IFT80: variants seen among roughly 807,000 people sequenced by gnomAD.
The protein encoded by IFT80 is intraflagellar transport 80.
Under a neutral mutation model 107.9 loss-of-function variants are expected in IFT80, and 79 were observed. The ratio of observed to expected loss-of-function variants is 0.73; its 90% confidence interval spans 0.61 to 0.88. The LOEUF (loss-of-function observed/expected upper bound fraction) is 0.88. Among genes scored for constraint, IFT80 ranks in the 40% least tolerant of loss-of-function variants. The probability of loss-of-function intolerance (pLI) is 0.00; values close to 1 mark genes in which losing one functional copy is unlikely to be tolerated. For synonymous variants in IFT80, 299 were observed against 300.9 expected, an observed-to-expected ratio of 0.99 and a Z score of 0.07; for missense variants, 797 against 914.2, an observed-to-expected ratio of 0.87 and a Z score of 1.65.
chr3:160,341,551 G>C (rs1430667961), intron 8 of IFT80, among the ~76,000 whole-genome samples: 1 of 152,030 alleles, frequency 6.6e-6, no homozygotes, highest in Non-Finnish European at 1.5e-5. Flanking sequence ...ATTAGACCAG[G>C]CATGTGTACC....
chr3:160,397,400 A>C (rs748203823), intron 1 of IFT80, among the ~76,000 whole-genome samples: 1 of 152,148 alleles, frequency 6.6e-6, no homozygotes, highest in Non-Finnish European at 1.5e-5. Context: ...GGTTTTCAAG[A>C]TCCTTCAGGA....
intron 12 of IFT80, among the ~76,000 whole-genome samples, chr3:160,291,934 C>T (rs917352222): frequency 6.6e-6 from 1 of 152,214 alleles, no homozygotes; most frequent in African/African-American, 2.4e-5. Flanking sequence ...GGGGCTGCAG[C>T]AATGCAGAGA....
At chr3:160,386,625 A>G (rs1396307215) in intron 1 of IFT80, among the ~76,000 whole-genome samples, 2 of 152,210 alleles carry the variant, frequency 1.3e-5, no homozygotes, top group Non-Finnish European at 2.9e-5. Context: ...TCCAACCACT[A>G]AAATACACAG....
intron 8 of IFT80, among the ~76,000 whole-genome samples, chr3:160,327,937 C>G (rs1165412619): frequency 3.9e-5 from 6 of 152,108 alleles, no homozygotes; most frequent in African/African-American, 1.2e-4. Flanking sequence ...GCAAACTATG[C>G]ATCTGACAAA....
chr3:160,354,012 T>C (rs916326745), intron 8 of IFT80, among the ~76,000 whole-genome samples: 3 of 152,182 alleles, frequency 2.0e-5, no homozygotes, highest in Admixed American at 6.5e-5. Context: ...TAATAAATTG[T>C]TGAGTATCTA....
intron 18 of IFT80, among the ~76,000 whole-genome samples, chr3:160,273,647 A>G (rs560220917): frequency 6.6e-6 from 1 of 152,342 alleles, no homozygotes; most frequent in East Asian, 1.9e-4. Flanking sequence ...TTTGAGCTAA[A>G]AAATGTGAGA....
At chr3:160,395,220 C>T (rs1262507201) in intron 1 of IFT80, among the ~76,000 whole-genome samples, 1 of 152,148 alleles carries the variant, frequency 6.6e-6, no homozygotes, top group Non-Finnish European at 1.5e-5. Flanking sequence ...AAAACTCTCA[C>T]CTGGCTTATC....
At chr3:160,305,712 GT>G (rs1258323572) in intron 10 of IFT80, among the ~76,000 whole-genome samples, 1 of 151,936 alleles carries the variant, frequency 6.6e-6, no homozygotes, top group Non-Finnish European at 1.5e-5. Flanking sequence ...CTTATATATT[GT>G]TTTCTTTTTC....
chr3:160,338,685 T>G (rs1719668836), intron 8 of IFT80, among the ~76,000 whole-genome samples: 1 of 151,262 alleles, frequency 6.6e-6, no homozygotes, highest in South Asian at 2.1e-4. Flanking sequence ...TGTGTGTATC[T>G]GGAGAAGGGC....
intron 19 of IFT80, among the ~76,000 whole-genome samples, chr3:160,267,021 A>G (rs1483916950): frequency 6.6e-6 from 1 of 152,126 alleles, no homozygotes; most frequent in Non-Finnish European, 1.5e-5. Flanking sequence ...CTTCAGTACT[A>G]AGCAGGTTCC....
chr3:160,319,643 T>A, intron 9 of IFT80, 117 bp downstream of exon 9: 1 of 906,808 alleles, frequency 1.1e-6, no homozygotes, highest in Non-Finnish European at 1.7e-6. Flanking sequence ...ATATTTCTAA[T>A]GTGACTGAAT....
At chr3:160,364,052 C>A (rs1721682234) in intron 6 of IFT80, among the ~76,000 whole-genome samples, 3 of 152,098 alleles carry the variant, frequency 2.0e-5, no homozygotes, top group Admixed American at 6.5e-5. Context: ...AAGAAACTAC[C>A]ATCAGAGTGA....
chr3:160,267,649 T>C (rs566047679), intron 19 of IFT80, among the ~76,000 whole-genome samples: 1 of 152,274 alleles, frequency 6.6e-6, no homozygotes, highest in African/African-American at 2.4e-5. Flanking sequence ...GTGGCTATAA[T>C]CAGTTATGCT....
At chr3:160,362,602 C>A (rs565557732) in intron 6 of IFT80, among the ~76,000 whole-genome samples, 1 of 152,110 alleles carries the variant, frequency 6.6e-6, no homozygotes, top group Non-Finnish European at 1.5e-5. Flanking sequence ...CTGATGAACA[C>A]CGATGCAAAA....
chr3:160,319,914 T>C lies in IFT80; in HGVS notation c.803A>G (p.Asn268Ser), dbSNP rs1559937674. The C allele has an allele frequency of 1.9e-6, 3 of 1,611,872 alleles. No homozygotes were observed. Among genetic ancestry groups the C allele is most frequent in the South Asian group, 1.1e-5 (1 of 90,982 alleles). ...TGWSYALEKPNTGSIFNIAWS... is the reference protein window; with the variant it reads ...TGWSYALEKPSTGSIFNIAWS... ...TGCAATATTAAATATGCTGCCAGTG[T>C]TGGGTTTTTCTAATGCATATGACCA... Residue 268 changes from asparagine to serine, a missense_variant, in exon 9 of 20, where the codon AAC becomes AGC. By Grantham distance (46) the Asn-to-Ser change is conservative. Transcript: ENST00000326448.
At chr3:160,363,842 T>C (rs1186274108) in intron 6 of IFT80, among the ~76,000 whole-genome samples, 1 of 152,170 alleles carries the variant, frequency 6.6e-6, no homozygotes, top group African/African-American at 2.4e-5. Context: ...CCTTACACCT[T>C]ATACAAAAAT....
At chr3:160,375,622 A>T (rs536564572) in intron 5 of IFT80, among the ~76,000 whole-genome samples, 190 bp downstream of exon 5, 1 of 152,152 alleles carries the variant, frequency 6.6e-6, no homozygotes, top group Non-Finnish European at 1.5e-5. Flanking sequence ...GCTTGAAATA[A>T]TAGTGTTACC....
In IFT80 at chr3:160,276,409, T is replaced by G. The variant is rs574753197; in HGVS notation, c.2099+897A>C. 5.3e-5 allele frequency among the ~76,000 whole-genome samples: 8 copies of G among 152,268 alleles called. No homozygotes were observed. In the South Asian group the frequency reaches 1.5e-3, roughly 28 times the overall value. ...TAAAATATCTATAGAAATTCTAATC[T>G]AAGGAAGTTTAACTAAAGAGCCTTG... On this transcript the variant is annotated intron_variant, in intron 18 of 19. Coordinates refer to ENST00000326448, the MANE Select transcript of IFT80 (RefSeq NM_020800.3).
In IFT80 at chr3:160,319,918, G is replaced by T. The variant is rs745579749; in HGVS notation, c.799C>A (p.Pro267Thr). 6.2e-7 allele frequency: 1 copy of T among 1,611,338 alleles called. No homozygotes were observed. The highest frequency in any genetic ancestry group is 8.5e-7 in the Non-Finnish European group (1 of 1,178,994). Reference protein sequence around the residue: ...KTGWSYALEKPNTGSIFNIAW... With the variant: ...KTGWSYALEKTNTGSIFNIAW... ...ATATTAAATATGCTGCCAGTGTTGGGTTTTTCTAATGCATATGACCACTGG... is the reference window on the plus strand; with the variant it reads ...ATATTAAATATGCTGCCAGTGTTGGTTTTTTCTAATGCATATGACCACTGG... The change falls in exon 9 of 20, where the codon CCC becomes ACC. Residue 267 changes from proline to threonine, a missense_variant. Physicochemically the swap from Pro to Thr is conservative, Grantham distance 38 (BLOSUM62 -1). Transcript: ENST00000326448.
Sources: allele counts gnomAD v4.1 joint callset (sites outside exome capture counted in the v4.1 genomes callset), GRCh38; gene constraint gnomAD v4.1.1; transcripts MANE v1.5; gene names NCBI Gene and HGNC (gene_info 2026-07-23, HGNC 2026-07-21).